Variants in MED12L observed in about 807,000 individuals in gnomAD.
MED12L encodes mediator of RNA polymerase II transcription subunit 12-like protein.
In MED12L, 60 loss-of-function variants were observed where a neutral mutation model predicts 281.3. The observed-to-expected ratio is 0.21, with a 90% CI of 0.17 to 0.26. The LOEUF is 0.26. Among genes scored for constraint, MED12L ranks in the 10% least tolerant of loss-of-function variants. The probability of loss-of-function intolerance (pLI) is 1.00; values close to 1 mark genes in which losing one functional copy is unlikely to be tolerated. For synonymous variants in MED12L, 974 were observed against 987.2 expected (o/e 0.99, Z 0.25); for missense variants, 2,146 against 2,680.9 (o/e 0.80, Z 4.41).
intron 5 of MED12L, among the ~76,000 whole-genome samples, chr3:151,147,709 G>A (rs967400167): frequency 6.6e-6 from 1 of 152,214 alleles, no homozygotes; most frequent in Non-Finnish European, 1.5e-5. Flanking sequence ...TCTTAGGGCC[G>A]AATGGTGTTC....
chr3:151,134,405 G>T (rs1020000741), intron 5 of MED12L, among the ~76,000 whole-genome samples: 1 of 152,200 alleles, frequency 6.6e-6, no homozygotes, highest in Non-Finnish European at 1.5e-5. Context: ...TGAGGATGGT[G>T]ATGTGCAGGT....
At chr3:151,150,554 A>G (rs1718320995) in intron 5 of MED12L, among the ~76,000 whole-genome samples, 2 of 152,218 alleles carry the variant, frequency 1.3e-5, no homozygotes, top group Non-Finnish European at 2.9e-5. Context: ...GTCATCAGCC[A>G]TATCAGTCCC....
chr3:151,166,978 C>G (rs1446942545), intron 11 of MED12L, among the ~76,000 whole-genome samples: 3 of 152,042 alleles, frequency 2.0e-5, no homozygotes, highest in African/African-American at 4.8e-5. Context: ...CCGGCCGGGA[C>G]CTTAGTCTTT....
chr3:151,215,819 C>T (rs1031864389), intron 16 of MED12L, among the ~76,000 whole-genome samples: 1 of 152,204 alleles, frequency 6.6e-6, no homozygotes, highest in Non-Finnish European at 1.5e-5. Context: ...GCTTCCTCCA[C>T]CCCCAGCACT....
intron 3 of MED12L, among the ~76,000 whole-genome samples, chr3:151,119,725 G>A (rs1713447886): frequency 6.6e-6 from 1 of 152,066 alleles, no homozygotes; most frequent in Non-Finnish European, 1.5e-5. Flanking sequence ...CTAAGTAAAT[G>A]GAAATAACAT....
chr3:151,313,357 A>G (rs573218835), intron 16 of MED12L, among the ~76,000 whole-genome samples: 7 of 152,302 alleles, frequency 4.6e-5, no homozygotes, highest in African/African-American at 7.2e-5. Flanking sequence ...TAAATATACA[A>G]TAAGTCTATA....
At position 151,166,049 on chromosome 3, in the gene MED12L, C is replaced by T. The variant is rs1720675847; in HGVS notation, c.1494+67C>T. 24 of 1,417,000 alleles carry T rather than the reference C, an allele frequency of 1.7e-5. No individual in the cohort carries two copies. In the South Asian group the frequency reaches 3.1e-4, roughly 19 times the overall value. The allele number at this position is 1,417,000 out of a possible 1,614,324, so 87.8% of individuals were successfully genotyped here. A position where few individuals can be genotyped will look rare whatever the true frequency, so the allele number is the denominator to read the frequency against. On this transcript the variant is annotated intron_variant, in intron 11 of 44. Transcript: ENST00000687756. ...TAGTGTTTTTTTCTTCTTTCTCATT[C>T]AGGAAACTCTGGCGAAACCTTTTCT...
intron 16 of MED12L, among the ~76,000 whole-genome samples, chr3:151,227,964 A>G (rs1489253468): frequency 6.6e-6 from 1 of 152,028 alleles, no homozygotes; most frequent in Non-Finnish European, 1.5e-5. Flanking sequence ...CACATTTCTA[A>G]ATTTTCTTGA....
At chr3:151,177,586 C>G (rs1249053991) in intron 11 of MED12L, among the ~76,000 whole-genome samples, 4 of 152,154 alleles carry the variant, frequency 2.6e-5, no homozygotes, top group African/African-American at 9.6e-5. Flanking sequence ...AACTTCTAGG[C>G]TCAAGCTCTC....
At chr3:151,177,372 C>A (rs1209332521) in intron 11 of MED12L, among the ~76,000 whole-genome samples, 1 of 152,204 alleles carries the variant, frequency 6.6e-6, no homozygotes, top group Non-Finnish European at 1.5e-5. Context: ...CAGCCTAGTG[C>A]TGTTTTCTAG....
chr3:151,301,815 C>T (rs568965826), intron 16 of MED12L, among the ~76,000 whole-genome samples: 17 of 152,282 alleles, frequency 1.1e-4, no homozygotes, highest in Admixed American at 4.6e-4. Flanking sequence ...TTTAAAATTA[C>T]GGTACAGCCA....
intron 42 of MED12L, among the ~76,000 whole-genome samples, chr3:151,414,120 G>A (rs1343308677): frequency 6.6e-6 from 1 of 152,150 alleles, no homozygotes; most frequent in African/African-American, 2.4e-5. Context: ...CCAAAGTGCT[G>A]GGATTACAGG....
At chr3:151,241,475 C>T (rs1291930396) in intron 16 of MED12L, among the ~76,000 whole-genome samples, 1 of 152,092 alleles carries the variant, frequency 6.6e-6, no homozygotes. Flanking sequence ...TGAAGAAACA[C>T]TAAAGGCAGT....
At chr3:151,155,123 T>G (rs892769074) in intron 5 of MED12L, among the ~76,000 whole-genome samples, 2 of 152,380 alleles carry the variant, frequency 1.3e-5, no homozygotes, top group South Asian at 2.1e-4. Context: ...TAGTTTCTAC[T>G]CTTTCTTTTG....
At chr3:151,401,294 A>T (rs1715649710) in intron 39 of MED12L, among the ~76,000 whole-genome samples, 2 of 150,560 alleles carry the variant, frequency 1.3e-5, no homozygotes, top group African/African-American at 2.4e-5. Context: ...TTTTTTTTTA[A>T]CTGTTAACTG....
At chr3:151,246,068 G>A (rs1735385674) in intron 16 of MED12L, among the ~76,000 whole-genome samples, 1 of 151,878 alleles carries the variant, frequency 6.6e-6, no homozygotes, top group Non-Finnish European at 1.5e-5. Flanking sequence ...TACAAGGGAT[G>A]TGAAGGAACT....
rs114107362 is a variant in MED12L, at chr3:151,260,126, A to G, written c.2250+66460A>G. Among the ~76,000 whole-genome samples the G allele has an allele frequency of 4.3e-3, 662 of 152,298 alleles. 3 individuals are homozygous for G. Among genetic ancestry groups the G allele is most frequent in the Non-Finnish European group, 7.2e-3 (489 of 68,024 alleles). ...ACCATTGGTGGGCTTAGGGTAGCAG[A>G]TCATGAGTGTGTTTCAGTTGTGGAA... On this transcript the variant is annotated intron_variant, in intron 16 of 44. Transcript: ENST00000687756.
At chr3:151,389,202 G>A (rs1165130841) in intron 37 of MED12L, among the ~76,000 whole-genome samples, 1 of 152,128 alleles carries the variant, frequency 6.6e-6, no homozygotes, top group Non-Finnish European at 1.5e-5. Flanking sequence ...GGGGTTTCCA[G>A]CCTGTCAGTC....
chr3:151,147,759 A>G (rs977067342), intron 5 of MED12L, among the ~76,000 whole-genome samples: 16 of 152,342 alleles, frequency 1.1e-4, no homozygotes, highest in African/African-American at 3.4e-4. Context: ...TCTGGGTATC[A>G]GCTGACGGAT....
Sources: gnomAD v4.1 joint callset for allele counts (sites outside exome capture counted in the v4.1 genomes callset) on GRCh38, gnomAD v4.1.1 for gene constraint, MANE v1.5 for transcripts, NCBI Gene and HGNC (gene_info 2026-07-23, HGNC 2026-07-21) for gene names.